TPM4: variants seen among roughly 807,000 people sequenced by gnomAD.
The protein encoded by TPM4 is tropomyosin alpha-4 chain.
A neutral mutation model predicts 35.8 loss-of-function variants in TPM4; 17 were observed. That is an observed-to-expected ratio of 0.47 (90% CI 0.32 to 0.71). TPM4 has a LOEUF of 0.71. Ranked by LOEUF, TPM4 falls within the 30% of genes least tolerant of loss-of-function variation. The pLI is 0.03. For missense variants in TPM4, 240 were observed against 320.9 expected, an observed-to-expected ratio of 0.75 and a Z score of 1.93; for synonymous variants, 120 against 122.9, an observed-to-expected ratio of 0.98 and a Z score of 0.15.
rs1229151800 is a variant in TPM4, at chr19:16,088,082, C to T, written c.440C>T (p.Ala147Val). ...GAGCTGGAGAGGGCAGAGGAGCGTG[C>T]GGAGGTGTCTGAACTGTGAGTGGCA... is the stretch of plus-strand genomic sequence containing the variant. Reference protein sequence around the residue: ...EGELERAEERAEVSELKCGDL... With the variant: ...EGELERAEERVEVSELKCGDL... Residue 147 changes from alanine to valine, a missense_variant, in exon 4 of 8, where the codon GCG becomes GTG. Transcript: ENST00000643579. 4.3e-6 allele frequency: 7 copies of T among 1,611,650 alleles called. No homozygotes were observed. The African/African-American group carries it at 5.3e-5, about 12-fold the overall frequency.
At chr19:16,088,630 G>C (rs2090588638) in intron 4 of TPM4, 1 of 1,032,018 alleles carries the variant, frequency 9.7e-7, no homozygotes, top group Admixed American at 5.0e-5. Context: ...AGAGAGATCT[G>C]GTTTCACAAA....
intron 4 of TPM4, chr19:16,088,698 G>A (rs780176058): frequency 4.9e-5 from 52 of 1,062,068 alleles, no homozygotes; most frequent in South Asian, 2.5e-4. Flanking sequence ...CTCTCTGCCC[G>A]CCTTCTGCCC....
At chr19:16,081,890 G>A (rs373431802) in intron 1 of TPM4, 23 bp from the exon 2 acceptor site, 1 of 1,571,878 alleles carries the variant, frequency 6.4e-7, no homozygotes. Context: ...TTCTTAACAT[G>A]GCTGCACCTC....
chr19:16,069,706 GT>G (rs1048203038), intron 2 of TPM4, among the ~76,000 whole-genome samples: 9 of 150,200 alleles, frequency 6.0e-5, no homozygotes, highest in Admixed American at 1.3e-4. Flanking sequence ...ATAAGTGTGT[GT>G]TTTTATGGGG....
intron 1 of TPM4, 170 bp downstream of exon 1, chr19:16,076,867 A>G: frequency 8.2e-7 from 1 of 1,225,598 alleles, no homozygotes; most frequent in South Asian, 2.9e-5. Context: ...AGGACCCCCT[A>G]CTTCCTCCGC....
rs1178894576 is a variant in TPM4 at position 16,088,065 on chromosome 19, G to T, written c.423G>T (p.Glu141Asp). Residue 141 changes from glutamate to aspartate, a missense_variant, in exon 4 of 8, where the codon GAG (glutamate) becomes GAT (aspartate). By Grantham distance (45) the Glu-to-Asp change is conservative. Coordinates refer to ENST00000643579, the MANE Select transcript of TPM4 (RefSeq NM_003290.3). Reference protein sequence around the residue: ...RKLVILEGELERAEERAEVSE... With the variant: ...RKLVILEGELDRAEERAEVSE... ...TGGTCATCCTGGAGGGTGAGCTGGA[G>T]AGGGCAGAGGAGCGTGCGGAGGTGT... is the stretch of plus-strand genomic sequence containing the variant. The T allele has an allele frequency of 2.5e-6, 4 of 1,612,820 alleles. No homozygotes were observed. Among genetic ancestry groups the T allele is most frequent in the Admixed American group, 1.7e-5 (1 of 59,810 alleles).
At position 16,067,828 on chromosome 19, in the gene TPM4, A is replaced by C; in HGVS notation, c.114+90A>C. 8.1e-7 allele frequency: 1 copy of C among 1,230,106 alleles called. No individual in the cohort carries two copies. Among genetic ancestry groups the C allele is most frequent in the Non-Finnish European group, 1.1e-6 (1 of 881,290 alleles). 76.2% of individuals were successfully genotyped at this position (1,230,106 alleles called of 1,614,324 possible). A position where few individuals can be genotyped will look rare whatever the true frequency, so the allele number is the denominator to read the frequency against. On this transcript the variant is annotated intron_variant, in intron 2 of 2. Transcript: ENST00000589897. This position sits in a 1 kb window ranked among gnomAD's most constrained non-coding sequence, Gnocchi z 4.1. ...TCTGGAGCCCAGTTGGGGGTCGCAG[A>C]CACCTGCGGGAGGATAGGAGGCTGA... is the stretch of plus-strand genomic sequence containing the variant.
chr19:16,088,561 C>T, intron 4 of TPM4: 1 of 1,039,834 alleles, frequency 9.6e-7, no homozygotes, highest in Non-Finnish European at 1.2e-6. Flanking sequence ...AAAAACAAAA[C>T]ACCTGTCCTC....
intron 7 of TPM4, among the ~76,000 whole-genome samples, chr19:16,097,649 T>C (rs929604399): frequency 2.0e-5 from 3 of 152,164 alleles, no homozygotes; most frequent in African/African-American, 7.2e-5. Context: ...GGTTCTCCCC[T>C]GCATCCTACC....
At position 16,082,023 on chromosome 19, in the gene TPM4, A is replaced by G; in HGVS notation, c.243A>G (p.Glu81=). The change falls in exon 2 of 8, where the codon GAA becomes GAG. Residue 81 remains glutamate (E), a synonymous_variant. Transcript: ENST00000643579. The part of the protein sequence containing the change: ...ATALQKLEEA[E]KAADESERGM... ...CCCTGCAGAAGCTGGAGGAGGCAGA[A>G]AAAGCTGCAGATGAGAGTGAGAGGT... 3 of 1,610,282 alleles carry G rather than the reference A, an allele frequency of 1.9e-6. No individual in the cohort carries two copies. Among genetic ancestry groups the G allele is most frequent in the Non-Finnish European group, 2.5e-6 (3 of 1,176,862 alleles).
chr19:16,096,964 T>C (rs923770016), intron 7 of TPM4, among the ~76,000 whole-genome samples: 17 of 83,832 alleles, frequency 2.0e-4, no homozygotes, highest in African/African-American at 7.0e-4. Context: ...TTTTTTTTTT[T>C]TTTTTTCAAG....
intron 7 of TPM4, chr19:16,095,420 CG>C: frequency 9.7e-7 from 1 of 1,030,116 alleles, no homozygotes; most frequent in East Asian, 6.1e-5. Flanking sequence ...CTAGGAGCTC[CG>C]GTGGCCTGCC....
intron 1 of TPM4, among the ~76,000 whole-genome samples, chr19:16,078,306 T>TG (rs953188158): frequency 8.0e-5 from 12 of 150,684 alleles, no homozygotes; most frequent in Non-Finnish European, 1.3e-4. Flanking sequence ...ATGATGAGGG[T>TG]GGGGGGGTGT....
intron 5 of TPM4, among the ~76,000 whole-genome samples, chr19:16,091,655 A>C (rs550936751): frequency 5.7e-4 from 87 of 151,700 alleles, no homozygotes; most frequent in African/African-American, 2.0e-3. Flanking sequence ...CATGCTTGTG[A>C]TCCTAGCTAC....
intron 1 of TPM4, chr19:16,081,149 C>T (rs1599368164): frequency 5.0e-6 from 2 of 397,910 alleles, no homozygotes; most frequent in Non-Finnish European, 8.9e-6. Context: ...TGAATGGGAG[C>T]GGAACTCACA....
intron 1 of TPM4, chr19:16,080,416 CTG>C (rs2090468698): frequency 5.0e-6 from 1 of 201,146 alleles, no homozygotes; most frequent in Admixed American, 6.0e-5. Context: ...GCGCCACCCT[CTG>C]GAGTTACAGC....
chr19:16,095,319 C>T (rs765342359), intron 7 of TPM4: 14 of 1,038,708 alleles, frequency 1.3e-5, no homozygotes, highest in Admixed American at 1.1e-4. Context: ...AACTGGACCA[C>T]GCTCTCAACG....
chr19:16,069,943 G>A (rs1020180133), intron 2 of TPM4, among the ~76,000 whole-genome samples: 1 of 151,850 alleles, frequency 6.6e-6, no homozygotes, highest in Non-Finnish European at 1.5e-5. Context: ...CACTGTGACA[G>A]AAGCCCGCTG....
At chr19:16,096,944 T>C (rs936392525) in intron 7 of TPM4, among the ~76,000 whole-genome samples, 8 of 32,178 alleles carry the variant, frequency 2.5e-4, no homozygotes, top group African/African-American at 8.9e-4. Flanking sequence ...CTCTTTTTTT[T>C]TTTTTTTTTT....
Sources: allele counts gnomAD v4.1 joint callset (sites outside exome capture counted in the v4.1 genomes callset), GRCh38; gene constraint gnomAD v4.1.1; non-coding constraint Gnocchi (gnomAD v3.1); transcripts MANE v1.5; gene names NCBI Gene and HGNC (gene_info 2026-07-23, HGNC 2026-07-21).